PPL: variants seen among roughly 807,000 people sequenced by gnomAD.
PPL encodes the protein periplakin.
Under a neutral mutation model 194.4 loss-of-function variants are expected in PPL, and 198 were observed. That is an observed-to-expected ratio of 1.02 (90% confidence interval 0.91 to 1.15). PPL has a LOEUF of 1.15. Ranked by LOEUF, PPL falls within the 50% of genes most tolerant of loss-of-function variation. The pLI is 0.00. For missense variants in PPL, 2,885 were observed against 2,294.8 expected, an observed-to-expected ratio of 1.26 and a Z score of -5.25; for synonymous variants, 1,220 against 972.4, an observed-to-expected ratio of 1.25 and a Z score of -4.74.
Position 4,900,434 on chromosome 16 carries a change from C to CTTTTT in PPL, c.606+391_606+395dup, listed in dbSNP as rs1217002366. Among the ~76,000 whole-genome samples the CTTTTT allele has an allele frequency of 1.8e-4, 11 of 61,646 alleles. 2 individuals carry two copies. Among genetic ancestry groups the CTTTTT allele is most frequent in the African/African-American group, 1.1e-4 (2 of 18,208 alleles). The allele number at this position is 61,646 out of a possible 152,430, so 40.4% of individuals were successfully genotyped here. On this transcript the variant is annotated intron_variant, in intron 6 of 21. Transcript: ENST00000345988. ...CCTGATTGAAACGTTTACTGCACGCCTTTTTTTTTTTTTTTTTTTTTTAAA... is the reference window on the plus strand; with the variant it reads ...CCTGATTGAAACGTTTACTGCACGCCTTTTTTTTTTTTTTTTTTTTTTTTTTTAAA...
In PPL at chr16:4,890,277, G is replaced by T; in HGVS notation, c.2220C>A (p.Asp740Glu). 2 of 1,614,190 alleles carry T rather than the reference G, an allele frequency of 1.2e-6. No individual in the cohort carries two copies. Among genetic ancestry groups the T allele is most frequent in the South Asian group, 1.1e-5 (1 of 91,084 alleles). The change falls in exon 18 of 22, where the codon GAC (aspartate) becomes GAA (glutamate). Residue 740 changes from aspartate to glutamate, a missense_variant. Physicochemically the swap from Asp to Glu is conservative, Grantham distance 45. Coordinates refer to ENST00000345988, the MANE Select transcript of PPL (RefSeq NM_002705.5). Reference sequence around the variant, plus strand: ...TGCTGACTAGGAACTGCAGCACGTGGTCATGGCCGCGGTGGAAGTGCTCGT... The same window carrying T: ...TGCTGACTAGGAACTGCAGCACGTGTTCATGGCCGCGGTGGAAGTGCTCGT... ...AAYEHFHRGH[D>E]HVLQFLVSIP... is the part of the protein sequence containing the mutation.
chr16:4,934,764 TG>T (rs1176825005), intron 1 of PPL, among the ~76,000 whole-genome samples: 1 of 151,814 alleles, frequency 6.6e-6, no homozygotes, highest in Non-Finnish European at 1.5e-5. Flanking sequence ...CCAAGACACT[TG>T]CTATGGGGCT....
chr16:4,895,502 C>A, intron 10 of PPL, 92 bp downstream of exon 10: 2 of 1,602,732 alleles, frequency 1.2e-6, no homozygotes, highest in Non-Finnish European at 1.7e-6. Context: ...AGGTGGGGTG[C>A]TGTGGAGGGG....
intron 4 of PPL, among the ~76,000 whole-genome samples, chr16:4,901,906 C>T (rs1023099328): frequency 9.9e-5 from 15 of 151,538 alleles, no homozygotes; most frequent in Non-Finnish European, 1.9e-4. Context: ...TGCCACTGCA[C>T]TCTAGTCTGC....
chr16:4,918,184 T>C (rs2088964293), intron 1 of PPL, among the ~76,000 whole-genome samples: 3 of 151,520 alleles, frequency 2.0e-5, no homozygotes, highest in South Asian at 2.1e-4. Flanking sequence ...TCCCAGCTAC[T>C]TGGGAGGCTA....
Position 4,902,318 on chromosome 16 carries a change from G to A in PPL, c.438+88C>T, listed in dbSNP as rs1307912887. 3 of 1,555,924 alleles carry A rather than the reference G, an allele frequency of 1.9e-6. No homozygotes were observed. The highest frequency in any genetic ancestry group is 2.3e-5 in the East Asian group (1 of 43,896). Reference sequence around the variant, plus strand: ...CTGTCTCCCTGGTAAGACCCGGGATGCCCATTACATGGGTAGGCTCTCCCT... The same window carrying A: ...CTGTCTCCCTGGTAAGACCCGGGATACCCATTACATGGGTAGGCTCTCCCT... On this transcript the variant is annotated intron_variant, in intron 4 of 21. Transcript: ENST00000345988. This position sits in a 1 kb window ranked among gnomAD's most constrained non-coding sequence, Gnocchi z 4.0.
intron 13 of PPL, 28 bp from the exon 14 acceptor site, chr16:4,893,398 G>A: frequency 6.2e-7 from 1 of 1,601,300 alleles, no homozygotes; most frequent in Non-Finnish European, 8.5e-7. Flanking sequence ...ACACAGGCAG[G>A]TGTGACAACG....
At chr16:4,925,065 G>C (rs1344134531) in intron 1 of PPL, among the ~76,000 whole-genome samples, 1 of 152,220 alleles carries the variant, frequency 6.6e-6, no homozygotes, top group Non-Finnish European at 1.5e-5. Context: ...CTTCCTCTGG[G>C]GGTTAATTCT....
chr16:4,930,835 G>A (rs1053118719), intron 1 of PPL, among the ~76,000 whole-genome samples: 1 of 152,234 alleles, frequency 6.6e-6, no homozygotes, highest in South Asian at 2.1e-4. Context: ...GAAACAAGAC[G>A]GTGACAGGCA....
intron 2 of PPL, 126 bp downstream of exon 2, chr16:4,910,724 C>T (rs1596568683): frequency 1.2e-6 from 1 of 840,788 alleles, no homozygotes; most frequent in Non-Finnish European, 2.0e-6. Context: ...ACCAAAATGT[C>T]TCTGCATGTT....
Position 4,899,357 on chromosome 16 carries a change from G to T in PPL, c.634C>A (p.Leu212Met). Residue 212 changes from leucine to methionine, a missense_variant, in exon 7 of 22, where the codon CTG (leucine) becomes ATG (methionine). By Grantham distance (15) the Leu-to-Met change is conservative (BLOSUM62 2). Coordinates refer to ENST00000345988, the MANE Select transcript of PPL (RefSeq NM_002705.5). ...TGCATGTAGTCCTGCAGCGAACTCA[G>T]GTGCTGCTGCCGGGCCTGTGATGCT... ...LAASQARQQH[L>M]SSLQDYMQRC... is the part of the protein sequence containing the mutation. 9 of 1,610,380 alleles carry T rather than the reference G, an allele frequency of 5.6e-6. No homozygotes were observed. The highest frequency in any genetic ancestry group is 7.6e-6 in the Non-Finnish European group (9 of 1,178,218).
intron 1 of PPL, among the ~76,000 whole-genome samples, chr16:4,934,068 G>C (rs114479709): frequency 6.6e-6 from 1 of 152,208 alleles, no homozygotes; most frequent in East Asian, 1.9e-4. Flanking sequence ...CTCTGAGGTC[G>C]CACAGCCAGG....
intron 1 of PPL, among the ~76,000 whole-genome samples, chr16:4,920,250 C>G (rs906826404): frequency 6.7e-6 from 1 of 150,154 alleles, no homozygotes; most frequent in Admixed American, 6.7e-5. Context: ...AGTCACTGCA[C>G]TCCAGTCTGG....
chr16:4,903,978 C>A lies in PPL; in HGVS notation c.225G>T (p.Val75=), dbSNP rs1256535913. 1 of 1,613,888 alleles carries A rather than the reference C, an allele frequency of 6.2e-7. No homozygotes were observed. Among genetic ancestry groups the A allele is most frequent in the Non-Finnish European group, 8.5e-7 (1 of 1,180,044 alleles). Reference sequence around the variant, plus strand: ...CATAGAGCAGCTTCTCAGAGTCCAACACCTTCTGCAGGGTCACGTCCCGGT... The same window carrying A: ...CATAGAGCAGCTTCTCAGAGTCCAAAACCTTCTGCAGGGTCACGTCCCGGT... The part of the protein sequence containing the change: ...PEHRDVTLQK[V]LDSEKLLYVL... The change falls in exon 3 of 22, where the codon GTG becomes GTT. Residue 75 remains valine (V), a synonymous_variant. Coordinates refer to ENST00000345988, the MANE Select transcript of PPL (RefSeq NM_002705.5).
Position 4,899,207 on chromosome 16 carries a change from G to A in PPL, c.768+16C>T, listed in dbSNP as rs750718588. 1 of 1,613,570 alleles carries A rather than the reference G, an allele frequency of 6.2e-7. No individual in the cohort carries two copies. Among genetic ancestry groups the A allele is most frequent in the South Asian group, 1.1e-5 (1 of 91,066 alleles). On this transcript the variant is annotated intron_variant, in intron 7 of 21. Transcript: ENST00000345988. ...GGGCTGCCTCCTCCCTGATGCCCCA[G>A]GCCCCCAGAACCCACCTCATACTGG...
rs750867976 is a variant in PPL at position 4,887,093 on chromosome 16, T to G, written c.2607+42A>C. ...AGACAGAGTCTGTATTTGTCACCTG[T>G]TAGAACAGCCTGAAGTAGAATTTCT... On this transcript the variant is annotated intron_variant, in intron 21 of 21. Transcript: ENST00000345988. 3 of 1,472,524 alleles carry G rather than the reference T, an allele frequency of 2.0e-6. No homozygotes were observed. The Admixed American group carries it at 5.0e-5, about 25-fold the overall frequency. The allele number at this position is 1,472,524 out of a possible 1,614,324, so 91.2% of individuals were successfully genotyped here. A position where few individuals can be genotyped will look rare whatever the true frequency, so the allele number is the denominator to read the frequency against.
intron 1 of PPL, among the ~76,000 whole-genome samples, chr16:4,933,104 G>T (rs8060670): frequency 0.29 from 43,957 of 151,496 alleles, 8,310 homozygotes; most frequent in African/African-American, 0.54. Context: ...CAGGTTCAAG[G>T]GATTCTCCTG....
At chr16:4,936,556 T>A (rs1359664654) in intron 1 of PPL, among the ~76,000 whole-genome samples, 1 of 152,190 alleles carries the variant, frequency 6.6e-6, no homozygotes, top group African/African-American at 2.4e-5. Context: ...CGGAGCTTCC[T>A]GGGTCGCCCG....
rs142345157 is a variant in PPL at position 4,883,402 on chromosome 16, C to G, written c.5253G>C (p.Leu1751Phe). The G allele has an allele frequency of 7.4e-6, 12 of 1,613,976 alleles. No individual in the cohort carries two copies. The African/African-American group carries it at 1.6e-4, about 22-fold the overall frequency. ...GCTGTGCCTACTTCTGCCCAGATAC[C>G]AAGACCGCCAGCTCCTGGATGGACA... ...KDMSIQELAVLVSGQK is the reference protein window; with the variant it reads ...KDMSIQELAVFVSGQK Residue 1751 changes from leucine to phenylalanine, a missense_variant, in exon 22 of 22, where the codon TTG (leucine) becomes TTC (phenylalanine). Leu to Phe is a conservative substitution (Grantham distance 22). Coordinates refer to ENST00000345988, the MANE Select transcript of PPL (RefSeq NM_002705.5). The surrounding 1 kb of genome is among the most constrained non-coding windows in gnomAD (Gnocchi z 4.8).
Sources: allele counts gnomAD v4.1 joint callset (sites outside exome capture counted in the v4.1 genomes callset), GRCh38; gene constraint gnomAD v4.1.1; non-coding constraint Gnocchi (gnomAD v3.1); transcripts MANE v1.5; gene names NCBI Gene and HGNC (gene_info 2026-07-23, HGNC 2026-07-21).